Variants in ZDHHC21 observed in about 807,000 individuals in gnomAD.
ZDHHC21 encodes the protein zDHHC palmitoyltransferase 21, also known as palmitoyltransferase ZDHHC21.
ZDHHC21 carries 15 observed loss-of-function variants against 34.6 expected under a neutral mutation model. The ratio of observed to expected loss-of-function variants is 0.43; its 90% CI spans 0.29 to 0.67. The LOEUF (loss-of-function observed/expected upper bound fraction) is 0.67. Among genes scored for constraint, ZDHHC21 ranks in the 30% least tolerant of loss-of-function variants. The pLI is 0.14. For missense variants in ZDHHC21, 344 were observed against 327.7 expected (o/e 1.05, Z -0.38); for synonymous variants, 142 against 101.8 (o/e 1.40, Z -2.38).
intron 5 of ZDHHC21, 66 bp from the exon 6 acceptor site, chr9:14,662,392 T>G (rs1459122579): frequency 8.1e-7 from 1 of 1,228,756 alleles, no homozygotes; most frequent in African/African-American, 1.5e-5. Context: ...TTACCAACAG[T>G]TGTTTAGAAG....
At chr9:14,692,310 T>A (rs2131735777) in intron 1 of ZDHHC21, among the ~76,000 whole-genome samples, 1 of 152,336 alleles carries the variant, frequency 6.6e-6, no homozygotes, top group Admixed American at 6.5e-5. Flanking sequence ...GCAGTGAATT[T>A]TTAAAAGTGC....
chr9:14,679,016 T>C (rs1000331415), intron 3 of ZDHHC21, among the ~76,000 whole-genome samples: 2 of 152,066 alleles, frequency 1.3e-5, no homozygotes, highest in South Asian at 2.1e-4. Context: ...GGAAGAGGCA[T>C]GAGGGAACTC....
chr9:14,655,738 A>T (rs1832090301), intron 7 of ZDHHC21, among the ~76,000 whole-genome samples: 1 of 151,914 alleles, frequency 6.6e-6, no homozygotes, highest in African/African-American at 2.4e-5. Context: ...AGAAATTCCA[A>T]AACAGGAAAG....
In ZDHHC21 at chr9:14,615,451, T is replaced by G. The variant is rs1468117273; in HGVS notation, c.*3515A>C. Reference sequence around the variant, plus strand: ...CATTATTAAAAATAAACCATGCTTTTTTTCTGAAAAAGTTAATATGTTAAC... The same window carrying G: ...CATTATTAAAAATAAACCATGCTTTGTTTCTGAAAAAGTTAATATGTTAAC... On this transcript the variant is annotated 3_prime_UTR_variant, in exon 10 of 10. Coordinates refer to ENST00000380916, the MANE Select transcript of ZDHHC21 (RefSeq NM_178566.6). 1.3e-5 allele frequency: 2 copies of G among 151,762 alleles called. No individual in the cohort carries two copies. Among genetic ancestry groups the G allele is most frequent in the Non-Finnish European group, 3.0e-5 (2 of 67,742 alleles). 9.4% of individuals were successfully genotyped at this position (151,762 alleles called of 1,614,324 possible). A position where few individuals can be genotyped will look rare whatever the true frequency, so the allele number is the denominator to read the frequency against.
the ZDHHC21 span, among the ~76,000 whole-genome samples, chr9:14,601,447 T>A: frequency 2.0e-5 from 3 of 152,228 alleles, no homozygotes; most frequent in East Asian, 5.8e-4. Flanking sequence ...AACAATGAGA[T>A]ACCATCTCAT....
chr9:14,610,745 A>T (rs1823189614), downstream of ZDHHC21, among the ~76,000 whole-genome samples: 1 of 152,020 alleles, frequency 6.6e-6, no homozygotes. Context: ...TCAAGAAAAA[A>T]TACTGCTATA....
At chr9:14,662,924 C>G (rs1287250268) in intron 5 of ZDHHC21, among the ~76,000 whole-genome samples, 3 of 152,080 alleles carry the variant, frequency 2.0e-5, no homozygotes, top group African/African-American at 7.2e-5. Context: ...TGGGAGGTAT[C>G]AGAATAGTTT....
At chr9:14,609,725 C>G (rs1179090272), downstream of ZDHHC21, among the ~76,000 whole-genome samples, 4 of 151,950 alleles carry the variant, frequency 2.6e-5, no homozygotes, top group East Asian at 7.7e-4. Flanking sequence ...GAAAAAGAGA[C>G]CAGTGGATTT....
At chr9:14,667,599 C>G (rs1834699790) in intron 5 of ZDHHC21, among the ~76,000 whole-genome samples, 1 of 91,706 alleles carries the variant, frequency 1.1e-5, no homozygotes, top group Non-Finnish European at 2.1e-5. Flanking sequence ...CAAAAATCCT[C>G]AATAAAATAC....
At chr9:14,596,615 C>A in the ZDHHC21 span, among the ~76,000 whole-genome samples, 6 of 152,240 alleles carry the variant, frequency 3.9e-5, no homozygotes, top group South Asian at 1.2e-3. Flanking sequence ...AAGAGCTTGA[C>A]TAACAAATGC....
chr9:14,664,828 C>G (rs1834109238), intron 5 of ZDHHC21, among the ~76,000 whole-genome samples: 1 of 150,956 alleles, frequency 6.6e-6, no homozygotes, highest in African/African-American at 2.4e-5. Flanking sequence ...AAAGGACATC[C>G]ACACCGAAAA....
rs541482284 is a variant in ZDHHC21 at position 14,624,624 on chromosome 9, T to A, written c.622-4942A>T. On this transcript the variant is annotated intron_variant, in intron 8 of 9. Transcript: ENST00000380916. ...TCTCACAGAAGTATGAATAGAACAG[T>A]AGTTAGCAGAGACTGGGGAGGGTAG... Among the ~76,000 whole-genome samples the A allele has an allele frequency of 3.3e-5, 5 of 151,948 alleles. No individual in the cohort carries two copies. The East Asian group carries it at 9.7e-4, about 29-fold the overall frequency.
At chr9:14,647,387 A>C (rs373367043) in intron 7 of ZDHHC21, among the ~76,000 whole-genome samples, 1 of 152,248 alleles carries the variant, frequency 6.6e-6, no homozygotes, top group East Asian at 1.9e-4. Context: ...ATCTTCCTAT[A>C]AACTTATATC....
intron 8 of ZDHHC21, among the ~76,000 whole-genome samples, chr9:14,634,037 C>T (rs1043385981): frequency 6.6e-6 from 1 of 152,124 alleles, no homozygotes; most frequent in African/African-American, 2.4e-5. Context: ...TCTGCCCATA[C>T]CCAAACTCCA....
intron 8 of ZDHHC21, among the ~76,000 whole-genome samples, chr9:14,634,233 T>C (rs780031656): frequency 9.2e-5 from 14 of 152,294 alleles, no homozygotes; most frequent in East Asian, 1.9e-4. Flanking sequence ...ATTGCTGATA[T>C]TGTCAACGCC....
At chr9:14,589,952 T>G in the ZDHHC21 span, 1 of 152,098 alleles carries the variant, frequency 6.6e-6, no homozygotes, top group Non-Finnish European at 1.5e-5. Context: ...TATGTGACCA[T>G]GATGAGGAAG....
At chr9:14,591,741 A>T in the ZDHHC21 span, among the ~76,000 whole-genome samples, 7 of 152,140 alleles carry the variant, frequency 4.6e-5, no homozygotes, top group African/African-American at 1.4e-4. Flanking sequence ...CACTCACAAA[A>T]ATACTTCATG....
chr9:14,632,845 T>C (rs935247630), intron 8 of ZDHHC21, among the ~76,000 whole-genome samples: 1 of 152,080 alleles, frequency 6.6e-6, no homozygotes, highest in African/African-American at 2.4e-5. Flanking sequence ...CTCGACCTCA[T>C]TAGATCACCA....
chr9:14,656,258 T>C (rs1404308923), intron 7 of ZDHHC21, among the ~76,000 whole-genome samples: 1 of 151,944 alleles, frequency 6.6e-6, no homozygotes, highest in Non-Finnish European at 1.5e-5. Context: ...TCTTCAAGTT[T>C]AGTTATAATT....
Sources: gnomAD v4.1 joint callset for allele counts (sites outside exome capture counted in the v4.1 genomes callset) on GRCh38, gnomAD v4.1.1 for gene constraint, MANE v1.5 for transcripts, NCBI Gene and HGNC (gene_info 2026-07-23, HGNC 2026-07-21) for gene names.